The following SP140L variants were observed in gnomAD, a reference collection of about 807,000 sequenced individuals.
SP140L encodes the protein nuclear body protein SP140-like protein.
Under a neutral mutation model 84.3 loss-of-function variants are expected in SP140L, and 64 were observed. The observed-to-expected ratio is 0.76, with a 90% CI of 0.62 to 0.94. The LOEUF (loss-of-function observed/expected upper bound fraction) is 0.94. Among genes scored for constraint, SP140L ranks in the 40% least tolerant of loss-of-function variants. SP140L has a pLI of 0.00. For synonymous variants in SP140L, 242 were observed against 236.9 expected (o/e 1.02, Z -0.20); for missense variants, 628 against 692.5 (o/e 0.91, Z 1.05).
chr2:230,370,668 T>C (rs1438194734), intron 5 of SP140L, among the ~76,000 whole-genome samples: 4 of 150,270 alleles, frequency 2.7e-5, no homozygotes, highest in African/African-American at 9.8e-5. Context: ...AGAAACAGAG[T>C]TCTGATAATG....
At chr2:230,332,647 T>G (rs1339322717) in intron 2 of SP140L, among the ~76,000 whole-genome samples, 1 of 152,250 alleles carries the variant, frequency 6.6e-6, no homozygotes, top group Non-Finnish European at 1.5e-5. Context: ...CTGTGCAACA[T>G]CTTTCCCAAA....
chr2:230,366,050 G>C (rs1378323566), intron 5 of SP140L, among the ~76,000 whole-genome samples: 2 of 152,014 alleles, frequency 1.3e-5, no homozygotes, highest in African/African-American at 4.8e-5. Flanking sequence ...ATTTATCTTG[G>C]AGAATGTTCC....
At chr2:230,389,276 G>A (rs1287439258) in intron 10 of SP140L, among the ~76,000 whole-genome samples, 5 of 152,054 alleles carry the variant, frequency 3.3e-5, no homozygotes, top group Non-Finnish European at 7.4e-5. Context: ...CATCCTCCTG[G>A]AGTTTTTCTT....
intron 3 of SP140L, 62 bp downstream of exon 3, chr2:230,358,029 A>C: frequency 1.3e-6 from 2 of 1,576,776 alleles, no homozygotes; most frequent in Non-Finnish European, 8.7e-7. Flanking sequence ...GTATTTCTGT[A>C]AGTGCTCCTG....
chr2:230,371,782 C>A, intron 7 of SP140L, 131 bp downstream of exon 7: 1 of 826,632 alleles, frequency 1.2e-6, no homozygotes, highest in Non-Finnish European at 1.9e-6. Context: ...GATGGCCACC[C>A]CAAAAAACGT....
At position 230,392,169 on chromosome 2, in the gene SP140L, A is replaced by G; in HGVS notation, c.1047A>G (p.Arg349=). 3 of 1,614,086 alleles carry G rather than the reference A, an allele frequency of 1.9e-6. No individual in the cohort carries two copies. Among genetic ancestry groups the G allele is most frequent in the South Asian group, 1.1e-5 (1 of 91,084 alleles). Residue 349 remains arginine (R), a synonymous_variant, in exon 12 of 19, where the codon AGA becomes AGG. Coordinates refer to ENST00000415673, the MANE Select transcript of SP140L (RefSeq NM_138402.6). ...MEFEIKGGYA[R]SKNWRLSVRC... ...TTGAAATCAAAGGAGGCTACGCAAG[A>G]TCAAAGAACTGGAGGCTGAGTGTGC... is the stretch of plus-strand genomic sequence containing the variant.
chr2:230,368,673 G>T (rs780077533), intron 5 of SP140L, among the ~76,000 whole-genome samples: 68 of 151,882 alleles, frequency 4.5e-4, no homozygotes, highest in Non-Finnish European at 7.8e-4. Context: ...TTCTCTAGCT[G>T]TATTTTCAGA....
At chr2:230,389,369 G>C (rs556940443) in intron 10 of SP140L, among the ~76,000 whole-genome samples, 1 of 152,184 alleles carries the variant, frequency 6.6e-6, no homozygotes, top group Non-Finnish European at 1.5e-5. Context: ...GATTATTCTA[G>C]AGCTCCCTGA....
chr2:230,334,030 T>G (rs936538585), intron 2 of SP140L, among the ~76,000 whole-genome samples: 2 of 152,228 alleles, frequency 1.3e-5, no homozygotes, highest in Non-Finnish European at 2.9e-5. Context: ...GCTCCAATAT[T>G]TGCTTGTTCT....
intron 7 of SP140L, among the ~76,000 whole-genome samples, chr2:230,382,658 G>C (rs1403830736): frequency 6.6e-6 from 1 of 152,170 alleles, no homozygotes. Context: ...GAAAGAATGA[G>C]GCATCATCCC....
In SP140L at chr2:230,357,960, T is replaced by A; in HGVS notation, c.263T>A (p.Met88Lys). The A allele has an allele frequency of 6.2e-7, 1 of 1,612,524 alleles. No individual in the cohort carries two copies. Among genetic ancestry groups the A allele is most frequent in the Non-Finnish European group, 8.5e-7 (1 of 1,179,452 alleles). ...GATCGGGAACTCATCACAAATAAAATGTTTGAAGTAAGTAAAGTTTATTTC... is the reference window on the plus strand; with the variant it reads ...GATCGGGAACTCATCACAAATAAAAAGTTTGAAGTAAGTAAAGTTTATTTC... ...LRDRELITNK[M>K]FEDSEDSCRN... Residue 88 changes from methionine (M) to lysine (K), a missense_variant, in exon 3 of 19, where the codon ATG becomes AAG. Transcript: ENST00000415673.
intron 2 of SP140L, among the ~76,000 whole-genome samples, chr2:230,343,858 G>A (rs952147527): frequency 3.3e-5 from 5 of 152,012 alleles, no homozygotes; most frequent in African/African-American, 1.2e-4. Context: ...CTTAATCTTG[G>A]TCTGATTTGA....
chr2:230,358,079 A>G (rs929987502), intron 3 of SP140L, 112 bp downstream of exon 3: 4 of 1,263,400 alleles, frequency 3.2e-6, no homozygotes, highest in Non-Finnish European at 4.4e-6. Flanking sequence ...GTCACCAGAG[A>G]TGGTCCTACT....
At chr2:230,379,791 C>A (rs55921089) in intron 7 of SP140L, among the ~76,000 whole-genome samples, 72,764 of 151,806 alleles carry the variant, frequency 0.48, 18,069 homozygotes, top group South Asian at 0.66. Flanking sequence ...CTTCTGGAAT[C>A]TATGGTATGG....
intron 11 of SP140L, among the ~76,000 whole-genome samples, chr2:230,391,534 T>C (rs1407702743): frequency 1.3e-5 from 2 of 152,238 alleles, no homozygotes; most frequent in East Asian, 3.8e-4. Flanking sequence ...ACAATTATTT[T>C]TTAATATCAG....
chr2:230,347,974 C>A (rs1052674561), intron 2 of SP140L, among the ~76,000 whole-genome samples: 5 of 152,200 alleles, frequency 3.3e-5, no homozygotes, highest in Non-Finnish European at 5.9e-5. Context: ...CATTTCTGGT[C>A]AAACACAGGT....
intron 2 of SP140L, among the ~76,000 whole-genome samples, chr2:230,356,839 A>C (rs538723936): frequency 6.6e-6 from 1 of 152,080 alleles, no homozygotes; most frequent in African/African-American, 2.4e-5. Context: ...GTCCTCCACC[A>C]TTCTCTTTGT....
chr2:230,401,031 C>T lies in SP140L; in HGVS notation c.1390C>T (p.Leu464=), dbSNP rs1327989928. The change falls in exon 16 of 19, where the codon CTG becomes TTG. Residue 464 remains leucine (L), a synonymous_variant. Transcript: ENST00000415673. ...ACAGTGTTGTCAGGAATCTGAGGTC[C>T]TGGAGAGGCAGATGTGTCCTGAGGA... ...SQQCCQESEV[L]ERQMCPEEQL... 45 of 1,436,100 alleles carry T rather than the reference C, an allele frequency of 3.1e-5. No individual in the cohort carries two copies. The highest frequency in any genetic ancestry group is 1.3e-4 in the African/African-American group (9 of 69,470). The allele number at this position is 1,436,100 out of a possible 1,614,324, so 89.0% of individuals were successfully genotyped here. A position where few individuals can be genotyped will look rare whatever the true frequency, so the allele number is the denominator to read the frequency against.
chr2:230,358,078 G>A (rs2060604277), intron 3 of SP140L, 111 bp downstream of exon 3: 3 of 1,277,248 alleles, frequency 2.3e-6, no homozygotes, highest in African/African-American at 1.5e-5. Context: ...GGTCACCAGA[G>A]ATGGTCCTAC....
Sources: allele counts gnomAD v4.1 joint callset (sites outside exome capture counted in the v4.1 genomes callset), GRCh38; gene constraint gnomAD v4.1.1; transcripts MANE v1.5; gene names NCBI Gene and HGNC (gene_info 2026-07-23, HGNC 2026-07-21).